SYNJ2BP: variants seen among roughly 807,000 people sequenced by gnomAD.
SYNJ2BP encodes the protein synaptojanin-2-binding protein.
In SYNJ2BP, 10 loss-of-function variants were observed where a neutral mutation model predicts 16.9. The ratio of observed to expected loss-of-function variants is 0.59; its 90% CI spans 0.36 to 1.00. The LOEUF is 1.00. Ranked by LOEUF, SYNJ2BP falls within the 50% of genes least tolerant of loss-of-function variation. The pLI is 0.01. For synonymous variants in SYNJ2BP, 54 were observed against 68.4 expected (o/e 0.79, Z 1.04); for missense variants, 162 against 186.7 (o/e 0.87, Z 0.77).
chr14:70,408,274 C>T (rs892264110), intron 1 of SYNJ2BP, among the ~76,000 whole-genome samples: 2 of 152,170 alleles, frequency 1.3e-5, no homozygotes, highest in Non-Finnish European at 2.9e-5. Flanking sequence ...ATAAAGTCTA[C>T]TCCCCACATA....
At position 70,366,572 on chromosome 14, in the gene SYNJ2BP, T is replaced by G; in HGVS notation, c.*6419A>C. On this transcript the variant is annotated 3_prime_UTR_variant, in exon 4 of 4. Coordinates refer to ENST00000256366, the MANE Select transcript of SYNJ2BP (RefSeq NM_018373.3). ...CAATTAGACACATTATTATCTCATT[T>G]GCTGTATCTGGTATCAAACAACAAA... The G allele has an allele frequency of 1.3e-5, 2 of 152,224 alleles. No individual in the cohort carries two copies. Among genetic ancestry groups the G allele is most frequent in the South Asian group, 2.1e-4 (1 of 4,834 alleles). The allele number at this position is 152,224 out of a possible 1,614,324, so 9.4% of individuals were successfully genotyped here.
At chr14:70,408,886 T>G (rs1219056978) in intron 1 of SYNJ2BP, among the ~76,000 whole-genome samples, 1 of 152,074 alleles carries the variant, frequency 6.6e-6, no homozygotes, top group Non-Finnish European at 1.5e-5. Flanking sequence ...CAGGCTGGAA[T>G]GCAGTGGTAC....
At chr14:70,394,064 C>T (rs1566620085) in intron 1 of SYNJ2BP, among the ~76,000 whole-genome samples, 1 of 150,546 alleles carries the variant, frequency 6.6e-6, no homozygotes, top group African/African-American at 2.4e-5. Context: ...TCTGACCACC[C>T]ATGAGACAGA....
At chr14:70,375,551 TGA>T in intron 3 of SYNJ2BP, 123 bp downstream of exon 3, 1 of 1,252,702 alleles carries the variant, frequency 8.0e-7, no homozygotes. Context: ...TCCCTTTGCC[TGA>T]GAAACTCTTC....
At chr14:70,392,611 G>C (rs962791757) in intron 1 of SYNJ2BP, among the ~76,000 whole-genome samples, 2 of 152,064 alleles carry the variant, frequency 1.3e-5, no homozygotes, top group Non-Finnish European at 2.9e-5. Context: ...GACAGAGAAA[G>C]AATGAATAAA....
chr14:70,379,287 T>A (rs1887697768), intron 2 of SYNJ2BP, among the ~76,000 whole-genome samples: 1 of 152,140 alleles, frequency 6.6e-6, no homozygotes, highest in Non-Finnish European at 1.5e-5. Context: ...AAAACAAAAC[T>A]GGGGAGCAAG....
rs527854808 is a variant in SYNJ2BP at position 70,386,881 on chromosome 14, A to G, written c.201+1589T>C. On this transcript the variant is annotated intron_variant, in intron 2 of 3. Transcript: ENST00000256366. ...TCATTATAGAGGTAGGTTCAAAATC[A>G]TGTATCTGAGACCAATACTTAATTC... Among the ~76,000 whole-genome samples, 90 of 152,350 alleles carry G rather than the reference A, an allele frequency of 5.9e-4. 1 individual carries two copies. In the South Asian group the frequency reaches 0.018, roughly 31 times the overall value.
Position 70,368,107 on chromosome 14 carries a change from A to T in SYNJ2BP, c.*4884T>A, listed in dbSNP as rs541712210. ...CCTTATGTTTCATTTCTTTAAATAT[A>T]CTTTAAAAATTGCTTATTTACACAA... On this transcript the variant is annotated 3_prime_UTR_variant, in exon 4 of 4. Coordinates refer to ENST00000256366, the MANE Select transcript of SYNJ2BP (RefSeq NM_018373.3). 6.6e-6 allele frequency: 1 copy of T among 152,296 alleles called. No homozygotes were observed. Among genetic ancestry groups the T allele is most frequent in the South Asian group, 2.1e-4 (1 of 4,828 alleles). 9.4% of individuals were successfully genotyped at this position (152,296 alleles called of 1,614,324 possible).
chr14:70,397,476 C>T (rs545407106), intron 1 of SYNJ2BP, among the ~76,000 whole-genome samples: 98 of 152,282 alleles, frequency 6.4e-4, no homozygotes, highest in African/African-American at 2.3e-3. Flanking sequence ...GTTATGGGAA[C>T]TTTGGGGTGT....
At chr14:70,408,839 C>A (rs893095582) in intron 1 of SYNJ2BP, among the ~76,000 whole-genome samples, 1 of 152,084 alleles carries the variant, frequency 6.6e-6, no homozygotes, top group Admixed American at 6.6e-5. Context: ...CATTCTGGCA[C>A]TTTTTCTTTT....
intron 1 of SYNJ2BP, among the ~76,000 whole-genome samples, chr14:70,413,842 A>G (rs1342580952): frequency 6.6e-6 from 1 of 152,234 alleles, no homozygotes; most frequent in East Asian, 1.9e-4. Flanking sequence ...TGTCCCTGAC[A>G]GAACACAAAG....
intron 3 of SYNJ2BP, among the ~76,000 whole-genome samples, chr14:70,374,386 T>C (rs1045282207): frequency 5.3e-5 from 8 of 152,190 alleles, no homozygotes; most frequent in African/African-American, 1.9e-4. Context: ...CTTCTCTACT[T>C]TTTTAGGAAC....
intron 3 of SYNJ2BP, among the ~76,000 whole-genome samples, chr14:70,374,726 G>A (rs1279299591): frequency 1.3e-5 from 2 of 152,056 alleles, no homozygotes; most frequent in Non-Finnish European, 2.9e-5. Flanking sequence ...ATAAATGAAG[G>A]GTTCATGGCA....
chr14:70,377,820 A>T (rs1327978957), intron 2 of SYNJ2BP, among the ~76,000 whole-genome samples: 1 of 152,166 alleles, frequency 6.6e-6, no homozygotes, highest in Non-Finnish European at 1.5e-5. Context: ...AAAACAATAC[A>T]ACTATTTCTT....
Position 70,382,161 on chromosome 14 carries a change from G to A in SYNJ2BP, c.201+6309C>T, listed in dbSNP as rs146941594. ...TGAGGCAGGAGAATGGAGTGAACCC[G>A]GGAGGCAGAGCTTGCAGTGAGCTGA... On this transcript the variant is annotated intron_variant, in intron 2 of 3. Coordinates refer to ENST00000256366, the MANE Select transcript of SYNJ2BP (RefSeq NM_018373.3). Among the ~76,000 whole-genome samples the A allele has an allele frequency of 1.4e-3, 214 of 152,292 alleles. 2 individuals carry two copies. Among genetic ancestry groups the A allele is most frequent in the African/African-American group, 4.9e-3 (202 of 41,566 alleles).
chr14:70,404,489 C>G (rs946718141), intron 1 of SYNJ2BP, among the ~76,000 whole-genome samples: 1 of 152,084 alleles, frequency 6.6e-6, no homozygotes, highest in African/African-American at 2.4e-5. Flanking sequence ...TATAAAATGT[C>G]TGAGTCATTT....
chr14:70,392,122 G>A (rs1887992555), intron 1 of SYNJ2BP, among the ~76,000 whole-genome samples: 1 of 152,216 alleles, frequency 6.6e-6, no homozygotes, highest in African/African-American at 2.4e-5. Context: ...AAGTTAAACT[G>A]CACACTCCCT....
intron 1 of SYNJ2BP, among the ~76,000 whole-genome samples, chr14:70,390,592 C>T (rs540521679): frequency 6.6e-6 from 1 of 151,618 alleles, no homozygotes; most frequent in Non-Finnish European, 1.5e-5. Flanking sequence ...GGCGTGAACC[C>T]GGGAGGTGGA....
intron 1 of SYNJ2BP, among the ~76,000 whole-genome samples, chr14:70,408,208 CT>C (rs1047497506): frequency 1.5e-4 from 23 of 152,026 alleles, no homozygotes; most frequent in African/African-American, 5.5e-4. Context: ...CCCCATATCC[CT>C]GAAATTACTG....
Sources: gnomAD v4.1 joint callset for allele counts (sites outside exome capture counted in the v4.1 genomes callset) on GRCh38, gnomAD v4.1.1 for gene constraint, MANE v1.5 for transcripts, NCBI Gene and HGNC (gene_info 2026-07-23, HGNC 2026-07-21) for gene names.